The following NMT2 variants were observed in gnomAD, a reference collection of about 807,000 sequenced individuals.
NMT2 encodes the protein glycylpeptide N-tetradecanoyltransferase 2.
Under a neutral mutation model 65.4 loss-of-function variants are expected in NMT2, and 35 were observed. The observed-to-expected ratio is 0.54, with a 90% CI of 0.41 to 0.71. The LOEUF (loss-of-function observed/expected upper bound fraction) is 0.71. Among genes scored for constraint, NMT2 ranks in the 30% least tolerant of loss-of-function variants. The pLI, the probability that NMT2 is intolerant of heterozygous loss-of-function variation, is 0.00. For missense variants in NMT2, 489 were observed against 611.3 expected (o/e 0.80, Z 2.11); for synonymous variants, 226 against 231.8 (o/e 0.98, Z 0.23).
At chr10:15,136,931 A>T (rs1336724985) in intron 2 of NMT2, among the ~76,000 whole-genome samples, 2 of 151,936 alleles carry the variant, frequency 1.3e-5, no homozygotes, top group Non-Finnish European at 2.9e-5. Context: ...GAAATCAATG[A>T]CTTTTTTCAA....
intron 1 of NMT2, among the ~76,000 whole-genome samples, chr10:15,155,472 G>A (rs12184399): frequency 0.037 from 5,638 of 150,476 alleles, 123 homozygotes; most frequent in African/African-American, 0.054. Context: ...GGGCTCAAGT[G>A]ATCCTCCCGC....
intron 9 of NMT2, among the ~76,000 whole-genome samples, chr10:15,114,351 G>A (rs1243770538): frequency 1.3e-5 from 2 of 152,090 alleles, no homozygotes; most frequent in Non-Finnish European, 2.9e-5. Context: ...CTCTCTTGCT[G>A]TTAAAATGAC....
rs187273906 is a variant in NMT2 at position 15,163,813 on chromosome 10, T to C, written c.110+4690A>G. Among the ~76,000 whole-genome samples, 57 of 152,370 alleles carry C rather than the reference T, an allele frequency of 3.7e-4. No individual in the cohort carries two copies. The East Asian group carries it at 0.01, about 28-fold the overall frequency. On this transcript the variant is annotated intron_variant, in intron 1 of 11. Coordinates refer to ENST00000378165, the MANE Select transcript of NMT2 (RefSeq NM_004808.3). ...ATGGTAGAAGACAGATTATGTTCTT[T>C]GTTAAAAGAATTCCAAAGTTTTCAT...
At chr10:15,133,401 AG>A (rs1564572800) in intron 3 of NMT2, 38 bp from the exon 4 acceptor site, 3 of 1,472,926 alleles carry the variant, frequency 2.0e-6, no homozygotes, top group African/African-American at 1.4e-5. Flanking sequence ...AAAGGCAAAA[AG>A]CGAGAATATT....
rs771940354 is a variant in NMT2 at position 15,168,660 on chromosome 10, G to A, written c.-48C>T. The A allele has an allele frequency of 4.7e-5, 68 of 1,445,260 alleles. No homozygotes were observed. Among genetic ancestry groups the A allele is most frequent in the Non-Finnish European group, 5.8e-5 (62 of 1,066,916 alleles). The allele number at this position is 1,445,260 out of a possible 1,614,324, so 89.5% of individuals were successfully genotyped here. On this transcript the variant is annotated 5_prime_UTR_variant, in exon 1 of 12. Transcript: ENST00000378165. ...GCGGTGCTCGGGGCCGGGCCGGAGC[G>A]GCCGCAGCTCCCTCTAGTGCCTCCC... is the stretch of plus-strand genomic sequence containing the variant.
chr10:15,130,050 G>T, intron 7 of NMT2, 92 bp downstream of exon 7: 1 of 1,001,916 alleles, frequency 1.0e-6, no homozygotes, highest in African/African-American at 1.7e-5. Flanking sequence ...CTCCATCTCT[G>T]CTACCAGCAA....
intron 1 of NMT2, among the ~76,000 whole-genome samples, chr10:15,152,323 T>C (rs541190549): frequency 1.3e-5 from 2 of 152,252 alleles, no homozygotes; most frequent in African/African-American, 2.4e-5. Context: ...TCTGGGATGG[T>C]AGAGGAAAGA....
chr10:15,135,918 GAA>G (rs963237801), intron 2 of NMT2, among the ~76,000 whole-genome samples: 6 of 151,296 alleles, frequency 4.0e-5, no homozygotes, highest in Non-Finnish European at 5.9e-5. Flanking sequence ...CAAAGAAAGA[GAA>G]AGAGAGAGAG....
At chr10:15,130,372 CACAT>C in intron 6 of NMT2, 60 bp from the exon 7 acceptor site, 1 of 1,249,794 alleles carries the variant, frequency 8.0e-7, no homozygotes, top group Non-Finnish European at 1.1e-6. Context: ...GAAGAGTCAA[CACAT>C]TTTAAAAAAT....
intron 3 of NMT2, 74 bp downstream of exon 3, chr10:15,135,190 GTTTTGTTGTT>G: frequency 2.4e-6 from 3 of 1,237,290 alleles, no homozygotes; most frequent in South Asian, 1.2e-5. Context: ...CACTCTTTGT[GTTTTGTTGTT>G]GTTGTTGTTG....
intron 8 of NMT2, among the ~76,000 whole-genome samples, chr10:15,120,369 A>G (rs1845887305): frequency 6.6e-6 from 1 of 152,152 alleles, no homozygotes; most frequent in Non-Finnish European, 1.5e-5. Flanking sequence ...GAGGCAGGAG[A>G]ATCGTTTGAA....
At chr10:15,115,487 A>G (rs1845714483) in intron 9 of NMT2, among the ~76,000 whole-genome samples, 1 of 152,224 alleles carries the variant, frequency 6.6e-6, no homozygotes. Flanking sequence ...ACAGTATCCT[A>G]AAATATATTC....
At chr10:15,121,430 C>T (rs907354779) in intron 8 of NMT2, among the ~76,000 whole-genome samples, 12 of 152,214 alleles carry the variant, frequency 7.9e-5, no homozygotes, top group Admixed American at 5.2e-4. Context: ...TGCAATGGTG[C>T]GATCTCGGTT....
chr10:15,156,947 G>T (rs972226517), intron 1 of NMT2, among the ~76,000 whole-genome samples: 1 of 151,916 alleles, frequency 6.6e-6, no homozygotes, highest in African/African-American at 2.4e-5. Context: ...ACTTCATTTG[G>T]AAACCAAAAT....
At position 15,141,499 on chromosome 10, in the gene NMT2, C is replaced by A. The variant is rs1846763082; in HGVS notation, c.169G>T (p.Glu57Ter). Residue 57 changes from glutamate (E) to a stop codon, truncating the protein, a stop_gained, in exon 2 of 12, where the codon GAG (glutamate) becomes TAG (stop). Transcript: ENST00000378165. LOFTEE classifies it high-confidence loss of function. Reference protein sequence around the residue: ...KKKKKQKRKKEKPNSGGTKSD... With the variant: ...KKKKKQKRKK The stretch of plus-strand genomic sequence containing the variant: ...TTGGTGCCTCCGGAATTTGGTTTCT[C>A]CTTTTTTCTCTTCTGTTTCTTCTTT... 1 of 1,614,222 alleles carries A rather than the reference C, an allele frequency of 6.2e-7. No homozygotes were observed. Among genetic ancestry groups the A allele is most frequent in the African/African-American group, 1.3e-5 (1 of 75,072 alleles).
chr10:15,145,958 G>C (rs959818923), intron 1 of NMT2, among the ~76,000 whole-genome samples: 1 of 152,150 alleles, frequency 6.6e-6, no homozygotes, highest in African/African-American at 2.4e-5. Context: ...CCAGGCCCAA[G>C]AGAAGACTCT....
Position 15,106,514 on chromosome 10 carries a change from ATCTGAAATTCCAAGTCT to A in NMT2, c.*2664_*2680del. The A allele has an allele frequency of 3.0e-6, 1 of 334,374 alleles. No homozygotes were observed. The highest frequency in any genetic ancestry group is 2.2e-5 in the African/African-American group (1 of 44,940). 20.7% of individuals were successfully genotyped at this position (334,374 alleles called of 1,614,324 possible). ...ACGCTAATGCAATTAGGGTGGAACC[ATCTGAAATTCCAAGTCT>A]TCCATTATCTCCAAGAGAGGTCCTA... On this transcript the variant is annotated 3_prime_UTR_variant, in exon 12 of 12. Transcript: ENST00000378165.
intron 1 of NMT2, among the ~76,000 whole-genome samples, chr10:15,163,253 T>C (rs1017270595): frequency 6.6e-6 from 1 of 152,228 alleles, no homozygotes; most frequent in Non-Finnish European, 1.5e-5. Flanking sequence ...TAAAACGTCA[T>C]TAACATGTTT....
At chr10:15,112,635 G>T (rs1845600730) in intron 10 of NMT2, among the ~76,000 whole-genome samples, 161 bp downstream of exon 10, 1 of 152,072 alleles carries the variant, frequency 6.6e-6, no homozygotes, top group Admixed American at 6.6e-5. Context: ...AGTTTCAAAA[G>T]AAACTCTTAT....
Sources: gnomAD v4.1 joint callset for allele counts (sites outside exome capture counted in the v4.1 genomes callset) on GRCh38, gnomAD v4.1.1 for gene constraint, MANE v1.5 for transcripts, NCBI Gene and HGNC (gene_info 2026-07-23, HGNC 2026-07-21) for gene names.